The following CHN2 variants were observed in gnomAD, a reference collection of about 807,000 sequenced individuals.
CHN2 encodes chimerin 2.
A neutral mutation model predicts 56.3 loss-of-function variants in CHN2; 35 were observed. The ratio of observed to expected loss-of-function variants is 0.62; its 90% CI spans 0.47 to 0.82. CHN2 has a LOEUF of 0.82. Ranked by LOEUF, CHN2 falls within the 40% of genes least tolerant of loss-of-function variation. The pLI is 0.00. For missense variants in CHN2, 491 were observed against 580.5 expected (o/e 0.85, Z 1.58); for synonymous variants, 210 against 212.8 (o/e 0.99, Z 0.12).
At chr7:29,213,722 GA>G (rs1317954520) in intron 1 of CHN2, among the ~76,000 whole-genome samples, 1 of 152,020 alleles carries the variant, frequency 6.6e-6, no homozygotes, top group Non-Finnish European at 1.5e-5. Flanking sequence ...ATTTTTTGGT[GA>G]TGCTAATCTT....
intron 1 of CHN2, among the ~76,000 whole-genome samples, chr7:29,204,081 G>C (rs1784357189): frequency 1.3e-5 from 2 of 149,892 alleles, no homozygotes; most frequent in African/African-American, 4.9e-5. Context: ...GTGTGTGTGT[G>C]TGTGTGTGTG....
chr7:29,328,283 C>T (rs1342452955), intron 1 of CHN2, among the ~76,000 whole-genome samples: 1 of 152,286 alleles, frequency 6.6e-6, no homozygotes, highest in Admixed American at 6.5e-5. Context: ...TGTACACACT[C>T]ATTTTAGATT....
At chr7:29,247,589 G>C (rs62444135) in intron 1 of CHN2, among the ~76,000 whole-genome samples, 1 of 152,154 alleles carries the variant, frequency 6.6e-6, no homozygotes, top group Non-Finnish European at 1.5e-5. Flanking sequence ...GAATTTATTT[G>C]TTCTTTCCCC....
chr7:29,357,987 T>C (rs1798434745), intron 2 of CHN2, among the ~76,000 whole-genome samples: 1 of 152,246 alleles, frequency 6.6e-6, no homozygotes, highest in South Asian at 2.1e-4. Flanking sequence ...GGATTCCATA[T>C]TCTTCCATCA....
At position 29,296,272 on chromosome 7, in the gene CHN2, A is replaced by G. The variant is rs1448940326; in HGVS notation, c.50-58353A>G. Among the ~76,000 whole-genome samples the G allele has an allele frequency of 2.0e-5, 3 of 151,710 alleles. No individual in the cohort carries two copies. In the East Asian group the frequency reaches 5.8e-4, roughly 29 times the overall value. On this transcript the variant is annotated intron_variant, in intron 1 of 12. Transcript: ENST00000222792. ...CTAATTTTGTGTATTTTTAGTAGAG[A>G]TGGGGTTTCGCCATGTTGACCAGGC... is the stretch of plus-strand genomic sequence containing the variant.
intron 1 of CHN2, among the ~76,000 whole-genome samples, chr7:29,239,926 T>A (rs548149324): frequency 3.3e-4 from 50 of 152,352 alleles, no homozygotes; most frequent in Non-Finnish European, 5.1e-4. Context: ...GCTAGAAATC[T>A]AGATTTTTTT....
intron 7 of CHN2, among the ~76,000 whole-genome samples, chr7:29,486,091 C>T (rs1172970094): frequency 3.9e-5 from 6 of 152,100 alleles, no homozygotes; most frequent in African/African-American, 1.4e-4. Context: ...TGACATCGTA[C>T]ATATTTATGT....
chr7:29,412,348 T>TG (rs1372800360), intron 6 of CHN2, among the ~76,000 whole-genome samples: 1 of 100,920 alleles, frequency 9.9e-6, no homozygotes, highest in Admixed American at 8.9e-5. Flanking sequence ...TTTTTTTTTT[T>TG]GGGAGACGGA....
In CHN2 at chr7:29,478,241, A is replaced by G. The variant is rs916061884; in HGVS notation, c.577-2038A>G. ...AAGAACAGAGCAAGCTACCAAGGTT[A>G]GCAGTTAAGTATGTCACAGAAGAGA... On this transcript the variant is annotated intron_variant, in intron 6 of 12. Coordinates refer to ENST00000222792, the MANE Select transcript of CHN2 (RefSeq NM_004067.4). 2.0e-5 allele frequency among the ~76,000 whole-genome samples: 3 copies of G among 152,228 alleles called. 1 individual carries two copies. The highest frequency in any genetic ancestry group is 7.2e-5 in the African/African-American group (3 of 41,458).
chr7:29,332,030 AAAG>A (rs1409032114), intron 1 of CHN2, among the ~76,000 whole-genome samples: 19 of 152,068 alleles, frequency 1.2e-4, no homozygotes, highest in African/African-American at 4.6e-4. Context: ...AAAAAAAAAA[AAAG>A]AGAAGGATAA....
rs573804009 is a variant in CHN2, at chr7:29,472,214, C to T, written c.577-8065C>T. Reference sequence around the variant, plus strand: ...AGCAAAAAACCAGAGTGGACATCACCGCACCTCCTTATCCACCAGTCCCCT... The same window carrying T: ...AGCAAAAAACCAGAGTGGACATCACTGCACCTCCTTATCCACCAGTCCCCT... On this transcript the variant is annotated intron_variant, in intron 6 of 12. Transcript: ENST00000222792. Among the ~76,000 whole-genome samples, 16 of 141,128 alleles carry T rather than the reference C, an allele frequency of 1.1e-4. No homozygotes were observed. In the South Asian group the frequency reaches 2.5e-3, roughly 22 times the overall value. 92.6% of individuals were successfully genotyped at this position (141,128 alleles called of 152,430 possible).
At chr7:29,347,225 G>T (rs1243290923) in intron 1 of CHN2, among the ~76,000 whole-genome samples, 1 of 152,008 alleles carries the variant, frequency 6.6e-6, no homozygotes. Context: ...TATTTTGAAG[G>T]CCATTTTAAA....
chr7:29,448,194 C>T (rs1005627244), intron 6 of CHN2, among the ~76,000 whole-genome samples: 2 of 151,904 alleles, frequency 1.3e-5, no homozygotes, highest in South Asian at 2.1e-4. Flanking sequence ...CTTATAGGTA[C>T]GCAATACCTT....
chr7:29,158,095 A>G (rs537526630), intron 2 of CHN2, among the ~76,000 whole-genome samples: 3 of 152,156 alleles, frequency 2.0e-5, no homozygotes, highest in Non-Finnish European at 4.4e-5. Context: ...CACTCCTCCA[A>G]ATTCCCATCT....
rs530459957 is a variant in CHN2, at chr7:29,372,307, G to A, written c.144+4320G>A. Among the ~76,000 whole-genome samples, 83 of 152,144 alleles carry A rather than the reference G, an allele frequency of 5.5e-4. 2 individuals carry two copies. In the Middle Eastern group the frequency reaches 0.01, roughly 19 times the overall value. On this transcript the variant is annotated intron_variant, in intron 3 of 12. Coordinates refer to ENST00000222792, the MANE Select transcript of CHN2 (RefSeq NM_004067.4). ...ATTCTCAGACCCAGGTTCTCTGCAC[G>A]TCTAGGTTTCAGGTCAAATTTCACG... is the stretch of plus-strand genomic sequence containing the variant.
intron 1 of CHN2, among the ~76,000 whole-genome samples, chr7:29,347,297 G>T (rs1384547556): frequency 1.3e-5 from 2 of 152,090 alleles, no homozygotes; most frequent in East Asian, 3.9e-4. Context: ...CAACTTCCCT[G>T]AATCTATACT....
chr7:29,501,945 C>T (rs536236705), intron 9 of CHN2, among the ~76,000 whole-genome samples: 1 of 152,174 alleles, frequency 6.6e-6, no homozygotes, highest in Non-Finnish European at 1.5e-5. Context: ...ACTACATTTG[C>T]ATATCTGTTT....
intron 7 of CHN2, chr7:29,483,786 G>A (rs1787629713): frequency 6.1e-6 from 7 of 1,141,988 alleles, no homozygotes; most frequent in South Asian, 1.9e-5. Flanking sequence ...CCCGGCAGTC[G>A]GCTTGCTCGG....
intron 1 of CHN2, chr7:29,293,082 T>C (rs766655701): frequency 2.2e-6 from 1 of 450,800 alleles, no homozygotes; most frequent in Non-Finnish European, 4.5e-6. Flanking sequence ...AAGACAGAGC[T>C]GTCAGGAGAG....
Sources: gnomAD v4.1 joint callset for allele counts (sites outside exome capture counted in the v4.1 genomes callset) on GRCh38, gnomAD v4.1.1 for gene constraint, MANE v1.5 for transcripts, NCBI Gene and HGNC (gene_info 2026-07-23, HGNC 2026-07-21) for gene names.